NRXN3: variants seen among roughly 807,000 people sequenced by gnomAD.
NRXN3 encodes neurexin 3, also known as neurexin III.
In NRXN3, 32 loss-of-function variants were observed where a neutral mutation model predicts 137.6. That is an observed-to-expected ratio of 0.23 (90% CI 0.18 to 0.31). The LOEUF (loss-of-function observed/expected upper bound fraction) is 0.31. NRXN3 is among the 10% of genes least tolerant of loss of function. The pLI, the probability that NRXN3 is intolerant of heterozygous loss-of-function variation, is 1.00. For missense variants in NRXN3, 1,574 were observed against 2,062.5 expected (o/e 0.76, Z 4.59); for synonymous variants, 798 against 784.5 (o/e 1.02, Z -0.29).
intron 4 of NRXN3, among the ~76,000 whole-genome samples, chr14:78,528,406 C>T (rs973980867): frequency 6.6e-6 from 1 of 152,118 alleles, no homozygotes; most frequent in African/African-American, 2.4e-5. Context: ...TGTGAACCCC[C>T]ACCTGACGTT....
chr14:78,648,167 A>G (rs1046361906), intron 5 of NRXN3, among the ~76,000 whole-genome samples: 1 of 152,238 alleles, frequency 6.6e-6, no homozygotes, highest in Admixed American at 6.5e-5. Flanking sequence ...ATTGCAAACT[A>G]TAACTGGGAT....
chr14:79,252,546 A>T (rs1037040091), intron 15 of NRXN3, among the ~76,000 whole-genome samples: 1 of 143,076 alleles, frequency 7.0e-6, no homozygotes, highest in Non-Finnish European at 1.5e-5. Context: ...AGGAGATCAG[A>T]TGTTAAAAGA....
intron 16 of NRXN3, among the ~76,000 whole-genome samples, chr14:79,482,274 G>A (rs186367387): frequency 2.8e-4 from 43 of 152,316 alleles, no homozygotes; most frequent in African/African-American, 9.9e-4. Context: ...AAGTTTGGAG[G>A]TTAGGGCAAG....
intron 17 of NRXN3, among the ~76,000 whole-genome samples, chr14:79,676,561 G>A (rs1457755945): frequency 2.0e-5 from 3 of 151,714 alleles, no homozygotes; most frequent in African/African-American, 7.3e-5. Flanking sequence ...AATTTGCCAA[G>A]AGAGTAGATT....
At chr14:78,871,120 T>C (rs187382928) in intron 10 of NRXN3, among the ~76,000 whole-genome samples, 6 of 149,414 alleles carry the variant, frequency 4.0e-5, no homozygotes, top group Admixed American at 2.0e-4. Flanking sequence ...CTATTTTTAG[T>C]TTTCTGAGGA....
At chr14:78,666,148 C>G (rs1015331881) in intron 6 of NRXN3, among the ~76,000 whole-genome samples, 3 of 152,162 alleles carry the variant, frequency 2.0e-5, no homozygotes, top group Non-Finnish European at 2.9e-5. Context: ...TCCCTTAACA[C>G]AATTTTAAGG....
At chr14:78,433,306 A>G (rs2093955280) in intron 4 of NRXN3, among the ~76,000 whole-genome samples, 1 of 152,124 alleles carries the variant, frequency 6.6e-6, no homozygotes, top group South Asian at 2.1e-4. Flanking sequence ...CTTATGCTTC[A>G]AATCTCTGAT....
rs944790940 is a variant in NRXN3, at chr14:79,508,682, G to A, written c.3444+41280G>A. On this transcript the variant is annotated intron_variant, in intron 16 of 20. Transcript: ENST00000335750. ...GCTGGGATTACAGGTGTGAGCCACC[G>A]CGCCTGGCCTAAAACAATAACTGAT... Among the ~76,000 whole-genome samples the A allele has an allele frequency of 6.6e-5, 10 of 151,860 alleles. No individual in the cohort carries two copies. In the East Asian group the frequency reaches 1.4e-3, roughly 21 times the overall value.
chr14:79,267,058 G>A (rs934311005), intron 15 of NRXN3, among the ~76,000 whole-genome samples: 4 of 152,156 alleles, frequency 2.6e-5, no homozygotes, highest in Admixed American at 6.5e-5. Flanking sequence ...CAAAAGATAT[G>A]TAAACTAATT....
chr14:79,550,118 C>T (rs911104463), intron 16 of NRXN3, among the ~76,000 whole-genome samples: 1 of 151,958 alleles, frequency 6.6e-6, no homozygotes, highest in Admixed American at 6.6e-5. Flanking sequence ...TACATGCACA[C>T]CCCACCACAC....
chr14:78,656,322 A>G (rs1178075244), intron 6 of NRXN3, among the ~76,000 whole-genome samples: 1 of 152,128 alleles, frequency 6.6e-6, no homozygotes, highest in Non-Finnish European at 1.5e-5. Flanking sequence ...CCTGGGGTTC[A>G]GGGAGCATCC....
intron 10 of NRXN3, among the ~76,000 whole-genome samples, chr14:78,820,542 CTT>C (rs2098947882): frequency 6.6e-6 from 1 of 151,374 alleles, no homozygotes; most frequent in Non-Finnish European, 1.5e-5. Flanking sequence ...ACTAAGAAGA[CTT>C]TATACATTTC....
intron 15 of NRXN3, among the ~76,000 whole-genome samples, chr14:79,104,314 C>T (rs2051943158): frequency 6.6e-6 from 1 of 152,108 alleles, no homozygotes; most frequent in Non-Finnish European, 1.5e-5. Context: ...ACTACAGGCA[C>T]ACATGAATGA....
intron 15 of NRXN3, among the ~76,000 whole-genome samples, chr14:79,258,314 G>C (rs2077072546): frequency 6.6e-6 from 1 of 151,972 alleles, no homozygotes; most frequent in African/African-American, 2.4e-5. Flanking sequence ...TCTCGATTCT[G>C]GTGCCTCAGC....
chr14:79,694,703 T>C (rs747428018), intron 18 of NRXN3, among the ~76,000 whole-genome samples: 1 of 151,912 alleles, frequency 6.6e-6, no homozygotes, highest in East Asian at 2.0e-4. Context: ...ATAGTGATGG[T>C]TTTTTCTGTT....
chr14:79,235,766 A>G (rs755491935), intron 15 of NRXN3, among the ~76,000 whole-genome samples: 1 of 152,188 alleles, frequency 6.6e-6, no homozygotes, highest in Non-Finnish European at 1.5e-5. Context: ...AAAGATAATC[A>G]TGAAGCAAAA....
chr14:78,786,530 A>G (rs960255786), intron 8 of NRXN3, among the ~76,000 whole-genome samples: 15 of 152,146 alleles, frequency 9.9e-5, no homozygotes, highest in Non-Finnish European at 2.1e-4. Context: ...TTTTTCTCTT[A>G]GCCACATCCA....
At chr14:79,385,084 A>C (rs1183205259) in intron 15 of NRXN3, among the ~76,000 whole-genome samples, 1 of 151,784 alleles carries the variant, frequency 6.6e-6, no homozygotes, top group East Asian at 1.9e-4. Context: ...TTATACTTTA[A>C]GTTTTAGGGT....
At chr14:78,739,907 C>A (rs1310587971) in intron 8 of NRXN3, among the ~76,000 whole-genome samples, 1 of 152,096 alleles carries the variant, frequency 6.6e-6, no homozygotes, top group Non-Finnish European at 1.5e-5. Flanking sequence ...GCTTTCTAAC[C>A]CTACCTTAAC....
Sources: allele counts gnomAD v4.1 joint callset (sites outside exome capture counted in the v4.1 genomes callset), GRCh38; gene constraint gnomAD v4.1.1; transcripts MANE v1.5; gene names NCBI Gene and HGNC (gene_info 2026-07-23, HGNC 2026-07-21).